MAP3K12: variants seen among roughly 807,000 people sequenced by gnomAD.
The protein encoded by MAP3K12 is mitogen-activated protein kinase kinase kinase 12.
Under a neutral mutation model 87.5 loss-of-function variants are expected in MAP3K12, and 14 were observed. The observed-to-expected ratio is 0.16, with a 90% CI of 0.11 to 0.25. The LOEUF (loss-of-function observed/expected upper bound fraction) is 0.25. MAP3K12 is among the 10% of genes least tolerant of loss of function. The pLI is 1.00. For synonymous variants in MAP3K12, 469 were observed against 452.5 expected, an observed-to-expected ratio of 1.04 and a Z score of -0.46; for missense variants, 802 against 1,140.4, an observed-to-expected ratio of 0.70 and a Z score of 4.27.
In MAP3K12 at chr12:53,479,676, T is replaced by TTTTTTTTTTTGTTTTTG. The variant is rs1263799848; in HGVS notation, c.*1505_*1506insCAAAAACAAAAAAAAAA. Reference sequence around the variant, plus strand: ...GTTTTATAAGCTTCTCCCTGGTTTTTTTTTTTTGGCTCATGAATTTTTCTG... The same window carrying TTTTTTTTTTTGTTTTTG: ...GTTTTATAAGCTTCTCCCTGGTTTTTTTTTTTTTTTGTTTTTGTTTTTTTGGCTCATGAATTTTTCTG... On this transcript the variant is annotated 3_prime_UTR_variant, in exon 14 of 14. Coordinates refer to ENST00000547488, the MANE Select transcript of MAP3K12 (RefSeq NM_001193511.2). 7.5e-5 allele frequency: 29 copies of TTTTTTTTTTTGTTTTTG among 387,604 alleles called. No individual in the cohort carries two copies. Among genetic ancestry groups the TTTTTTTTTTTGTTTTTG allele is most frequent in the Admixed American group, 2.6e-4 (6 of 23,340 alleles). 24.0% of individuals were successfully genotyped at this position (387,604 alleles called of 1,614,324 possible). A position where few individuals can be genotyped will look rare whatever the true frequency, so the allele number is the denominator to read the frequency against.
chr12:53,491,601 T>C (rs746276401), intron 1 of MAP3K12, among the ~76,000 whole-genome samples: 1 of 151,382 alleles, frequency 6.6e-6, no homozygotes, highest in Non-Finnish European at 1.5e-5. Context: ...GCCCGGCTAA[T>C]TTTTTCTGTG....
chr12:53,481,328 T>C, intron 13 of MAP3K12, 48 bp from the exon 14 acceptor site: 1 of 1,138,386 alleles, frequency 8.8e-7, no homozygotes, highest in Non-Finnish European at 1.2e-6. Context: ...GGTTCTTTGC[T>C]GGGGTCATTT....
At chr12:53,484,681 T>G in intron 6 of MAP3K12, 1 of 441,616 alleles carries the variant, frequency 2.3e-6, no homozygotes. Flanking sequence ...TCGTCAAACT[T>G]CCCTGGGTCT....
intron 1 of MAP3K12, among the ~76,000 whole-genome samples, chr12:53,488,384 G>A (rs1464713575): frequency 1.3e-5 from 2 of 152,174 alleles, no homozygotes; most frequent in East Asian, 1.9e-4. Flanking sequence ...CCATTAGGCC[G>A]GGTGCAGTGG....
intron 1 of MAP3K12, among the ~76,000 whole-genome samples, chr12:53,490,852 A>G (rs1425355773): frequency 6.6e-6 from 1 of 152,122 alleles, no homozygotes; most frequent in Non-Finnish European, 1.5e-5. Flanking sequence ...GTGAAGCTGC[A>G]GTGAGCAGTG....
At chr12:53,501,509 T>C (rs1195338716), upstream of MAP3K12, 2 of 1,551,432 alleles carry the variant, frequency 1.3e-6, no homozygotes, top group Middle Eastern at 1.7e-4. Context: ...CGTGGGGCCG[T>C]GCGGAGGGAG....
At chr12:53,485,001 C>T in intron 6 of MAP3K12, 55 bp downstream of exon 6, 2 of 1,607,120 alleles carry the variant, frequency 1.2e-6, no homozygotes, top group Non-Finnish European at 1.7e-6. Flanking sequence ...CAGCCCAGTA[C>T]TACCGTGCTT....
intron 1 of MAP3K12, among the ~76,000 whole-genome samples, chr12:53,491,168 G>A (rs1482600375): frequency 6.7e-6 from 1 of 149,852 alleles, no homozygotes; most frequent in Non-Finnish European, 1.5e-5. Context: ...GTCGCCTGTA[G>A]TCCCAGCTAC....
rs559100377 is a variant in MAP3K12, at chr12:53,485,625, G to A, written c.822-150C>T. The A allele has an allele frequency of 7.8e-5, 64 of 816,626 alleles. No homozygotes were observed. In the South Asian group the frequency reaches 9.1e-4, roughly 12 times the overall value. 50.6% of individuals were successfully genotyped at this position (816,626 alleles called of 1,614,324 possible). On this transcript the variant is annotated intron_variant, in intron 4 of 13. Coordinates refer to ENST00000547488, the MANE Select transcript of MAP3K12 (RefSeq NM_001193511.2). ...GGCTGGAGTGCAGTGGCTCAATCTC[G>A]GCTCACTGCAACCTCCACCTCCTGG...
rs771775072 is a variant in MAP3K12 at position 53,482,006 on chromosome 12, C to T, written c.2515G>A (p.Glu839Lys). ...CTGGGTTCAGGGCCAGGGATGACCT[C>T]TGAAGGAGGTGGGTCCAGTGGGATT... Reference protein sequence around the residue: ...SEIPLDPPPSEVIPGPEPSSL... With the variant: ...SEIPLDPPPSKVIPGPEPSSL... Residue 839 changes from glutamate to lysine, a missense_variant, in exon 13 of 14, where the codon GAG becomes AAG. Around this residue, in one of 5 missense-constraint regions of MAP3K12, gnomAD observed 490 missense variants for 496.6 expected, o/e 0.99. Transcript: ENST00000547488. 1 of 1,614,196 alleles carries T rather than the reference C, an allele frequency of 6.2e-7. No homozygotes were observed. Among genetic ancestry groups the T allele is most frequent in the South Asian group, 1.1e-5 (1 of 91,086 alleles).
intron 1 of MAP3K12, among the ~76,000 whole-genome samples, chr12:53,491,427 A>C (rs1943401705): frequency 6.6e-6 from 1 of 151,578 alleles, no homozygotes; most frequent in African/African-American, 2.4e-5. Flanking sequence ...TTACAGACTA[A>C]GGCATAGAGG....
In MAP3K12 at chr12:53,482,221, G is replaced by T. The variant is rs761017055; in HGVS notation, c.2310-10C>A. Reference sequence around the variant, plus strand: ...CAGGCTCTGAGGCCACCTACATGTTGAAGAGGGGGATTACAGCTTGGTTCT... The same window carrying T: ...CAGGCTCTGAGGCCACCTACATGTTTAAGAGGGGGATTACAGCTTGGTTCT... On this transcript the variant is annotated splice_polypyrimidine_tract_variant and intron_variant, in intron 12 of 13. Coordinates refer to ENST00000547488, the MANE Select transcript of MAP3K12 (RefSeq NM_001193511.2). 1.1e-5 allele frequency: 17 copies of T among 1,614,144 alleles called. No individual in the cohort carries two copies. Among genetic ancestry groups the T allele is most frequent in the Non-Finnish European group, 1.4e-5 (16 of 1,179,990 alleles).
At position 53,485,975 on chromosome 12, in the gene MAP3K12, G is replaced by A. The variant is rs1475886630; in HGVS notation, c.821+81C>T. 70 of 1,384,522 alleles carry A rather than the reference G, an allele frequency of 5.1e-5. No individual in the cohort carries two copies. In the South Asian group the frequency reaches 9.2e-4, roughly 18 times the overall value. The allele number at this position is 1,384,522 out of a possible 1,614,324, so 85.8% of individuals were successfully genotyped here. A position where few individuals can be genotyped will look rare whatever the true frequency, so the allele number is the denominator to read the frequency against. ...GATGGCCACATGGACCTAGGGCATG[G>A]TTTGGAAGCCGGGAGAAGGCCACAC... On this transcript the variant is annotated intron_variant, in intron 4 of 13. Coordinates refer to ENST00000547488, the MANE Select transcript of MAP3K12 (RefSeq NM_001193511.2).
rs915166186 is a variant in MAP3K12 at position 53,480,888 on chromosome 12, C to G, written c.*294G>C. 6 of 148,898 alleles carry G rather than the reference C, an allele frequency of 4.0e-5. No homozygotes were observed. The highest frequency in any genetic ancestry group is 4.0e-4 in the Admixed American group (6 of 14,892). The allele number at this position is 148,898 out of a possible 1,614,324, so 9.2% of individuals were successfully genotyped here. ...TATTTGGGGATAAAGAATATAAAGA[C>G]AACCCTGGCTTTTCTATTGCCTTGT... On this transcript the variant is annotated 3_prime_UTR_variant, in exon 14 of 14. Transcript: ENST00000547488.
upstream of MAP3K12, chr12:53,499,594 CG>C (rs1269820344): frequency 1.3e-5 from 2 of 152,170 alleles, no homozygotes; most frequent in Non-Finnish European, 2.9e-5. Flanking sequence ...TCCGGATGCA[CG>C]GGTGTCAGCT....
chr12:53,500,328 A>G (rs1943655921), upstream of MAP3K12: 1 of 152,236 alleles, frequency 6.6e-6, no homozygotes, highest in African/African-American at 2.4e-5. Context: ...GATTAATCTT[A>G]GGCGGCCAAA....
intron 1 of MAP3K12, among the ~76,000 whole-genome samples, chr12:53,497,571 T>C (rs115846710): frequency 0.011 from 1,619 of 152,284 alleles, 31 homozygotes; most frequent in African/African-American, 0.037. Context: ...CAGGCCCTCA[T>C]GAAGCCCCTA....
chr12:53,497,935 G>C (rs1943575106), intron 1 of MAP3K12, among the ~76,000 whole-genome samples: 1 of 152,152 alleles, frequency 6.6e-6, no homozygotes, highest in Non-Finnish European at 1.5e-5. Flanking sequence ...GTGTCACCAC[G>C]AGGGGAAAAG....
intron 1 of MAP3K12, among the ~76,000 whole-genome samples, chr12:53,488,437 G>A (rs183797436): frequency 9.2e-5 from 14 of 152,280 alleles, no homozygotes; most frequent in South Asian, 4.1e-4. Context: ...CGAGGCGGGC[G>A]GATCACCTGA....
Sources: allele counts gnomAD v4.1 joint callset (sites outside exome capture counted in the v4.1 genomes callset), GRCh38; gene constraint gnomAD v4.1.1; regional missense constraint gnomAD v4.1.1; transcripts MANE v1.5; gene names NCBI Gene and HGNC (gene_info 2026-07-23, HGNC 2026-07-21).